XRN2: variants seen among roughly 807,000 people sequenced by gnomAD.
XRN2 encodes the protein 5'-3' exoribonuclease 2.
Under a neutral mutation model 138.5 loss-of-function variants are expected in XRN2, and 44 were observed. That is an observed-to-expected ratio of 0.32 (90% confidence interval 0.25 to 0.41). XRN2 has a LOEUF of 0.41. Ranked by LOEUF, XRN2 falls within the 10% of genes least tolerant of loss-of-function variation. The pLI is 1.00. For synonymous variants in XRN2, 354 were observed against 369.4 expected (o/e 0.96, Z 0.48); for missense variants, 937 against 1,169.3 (o/e 0.80, Z 2.90).
chr20:21,374,209 AT>A (rs1220822600), intron 27 of XRN2, among the ~76,000 whole-genome samples: 1 of 151,938 alleles, frequency 6.6e-6, no homozygotes, highest in Non-Finnish European at 1.5e-5. Flanking sequence ...ATTTCTTCTA[AT>A]AGTTTATATG....
rs572006763 is a variant in XRN2, at chr20:21,358,471, C to T, written c.2255+679C>T. Among the ~76,000 whole-genome samples, 6 of 152,256 alleles carry T rather than the reference C, an allele frequency of 3.9e-5. No individual in the cohort carries two copies. The South Asian group carries it at 1.2e-3, about 32-fold the overall frequency. ...GATGACAGAATTTAGTTGTCATTTT[C>T]TCCAATCTTTAGGTAAGACTAAAGC... On this transcript the variant is annotated intron_variant, in intron 24 of 29. Transcript: ENST00000377191.
At chr20:21,388,175 A>G (rs1786496908) in intron 29 of XRN2, among the ~76,000 whole-genome samples, 1 of 152,212 alleles carries the variant, frequency 6.6e-6, no homozygotes, top group Non-Finnish European at 1.5e-5. Context: ...TTTCCAAGTC[A>G]GGAACTGAAA....
At chr20:21,349,721 A>C (rs116608593) in intron 20 of XRN2, among the ~76,000 whole-genome samples, 2,352 of 152,150 alleles carry the variant, frequency 0.015, 39 homozygotes, top group Middle Eastern at 0.027. Flanking sequence ...CCAGCCTGGA[A>C]GACAGAGTGA....
chr20:21,348,262 A>T lies in XRN2; in HGVS notation c.1773+9A>T, dbSNP rs1207280674. On this transcript the variant is annotated intron_variant, in intron 18 of 29. Coordinates refer to ENST00000377191, the MANE Select transcript of XRN2 (RefSeq NM_012255.5). ...AGAAGGGTACGAAACCGGTAAGCTT[A>T]ATTACTTAAAGTCATAAAGTTTATA... is the stretch of plus-strand genomic sequence containing the variant. 2 of 1,613,092 alleles carry T rather than the reference A, an allele frequency of 1.2e-6. No individual in the cohort carries two copies. The highest frequency in any genetic ancestry group is 8.5e-7 in the Non-Finnish European group (1 of 1,179,610).
chr20:21,326,212 T>G (rs2038126550), intron 1 of XRN2, 67 bp from the exon 2 acceptor site: 39 of 1,485,822 alleles, frequency 2.6e-5, no homozygotes, highest in Non-Finnish European at 3.3e-5. Context: ...AAGTTCATAT[T>G]GAGCCTAGGA....
At chr20:21,363,190 T>C (rs1183326928) in intron 24 of XRN2, among the ~76,000 whole-genome samples, 3 of 152,200 alleles carry the variant, frequency 2.0e-5, no homozygotes, top group Non-Finnish European at 4.4e-5. Context: ...TCAGCATCTT[T>C]TCTGTGCCTG....
chr20:21,331,418 C>CACAT (rs1167194384), intron 6 of XRN2, 143 bp from the exon 7 acceptor site: 2 of 668,616 alleles, frequency 3.0e-6, no homozygotes, highest in African/African-American at 3.7e-5. Context: ...CACACACACA[C>CACAT]ACACACACAC....
At chr20:21,340,979 C>A in intron 15 of XRN2, 127 bp downstream of exon 15, 1 of 1,078,052 alleles carries the variant, frequency 9.3e-7, no homozygotes, top group Non-Finnish European at 1.3e-6. Context: ...AATTGCTTTG[C>A]CTTGAGAAAT....
At chr20:21,360,802 A>G (rs2038629182) in intron 24 of XRN2, among the ~76,000 whole-genome samples, 1 of 152,178 alleles carries the variant, frequency 6.6e-6, no homozygotes, top group Admixed American at 6.5e-5. Flanking sequence ...TCAGCAGTGG[A>G]TTTGATGGTG....
chr20:21,341,806 C>A (rs2038375840), intron 15 of XRN2, among the ~76,000 whole-genome samples: 1 of 152,158 alleles, frequency 6.6e-6, no homozygotes, highest in Non-Finnish European at 1.5e-5. Context: ...CAGAGCAGAA[C>A]TGAGAGTGAC....
At chr20:21,373,909 A>G (rs371459454) in intron 27 of XRN2, among the ~76,000 whole-genome samples, 12 of 152,106 alleles carry the variant, frequency 7.9e-5, no homozygotes, top group African/African-American at 2.4e-4. Context: ...CCACTTGGCA[A>G]TTTGCCTTTT....
intron 15 of XRN2, among the ~76,000 whole-genome samples, chr20:21,343,543 AG>A (rs1414484872): frequency 1.3e-5 from 2 of 151,510 alleles, no homozygotes; most frequent in Non-Finnish European, 2.9e-5. Flanking sequence ...TGGTTGTACT[AG>A]GTTGAAGACT....
Position 21,311,630 on chromosome 20 carries a change from G to A in XRN2, c.75+8157G>A, listed in dbSNP as rs532277035. Among the ~76,000 whole-genome samples the A allele has an allele frequency of 5.3e-5, 8 of 152,206 alleles. No individual in the cohort carries two copies. The South Asian group carries it at 8.3e-4, about 16-fold the overall frequency. ...GTAATTCTGTGTTTAGCATTTTGAG[G>A]AACCACCAAACTGTTTTTCTAGTCT... On this transcript the variant is annotated intron_variant, in intron 1 of 29. Coordinates refer to ENST00000377191, the MANE Select transcript of XRN2 (RefSeq NM_012255.5).
intron 27 of XRN2, among the ~76,000 whole-genome samples, chr20:21,370,980 C>T (rs1343631920): frequency 6.6e-6 from 1 of 152,150 alleles, no homozygotes; most frequent in Non-Finnish European, 1.5e-5. Flanking sequence ...TGGCAAGATG[C>T]TCACGTTTGT....
intron 27 of XRN2, among the ~76,000 whole-genome samples, chr20:21,370,213 G>A (rs971773531): frequency 1.3e-5 from 2 of 152,080 alleles, no homozygotes; most frequent in African/African-American, 4.8e-5. Context: ...CCATTGGTCT[G>A]TTATCTGTTT....
chr20:21,310,393 T>C (rs1361473662), intron 1 of XRN2, among the ~76,000 whole-genome samples: 2 of 152,268 alleles, frequency 1.3e-5, no homozygotes, highest in African/African-American at 2.4e-5. Context: ...CATTTTCTGC[T>C]GCTGTGAAAT....
intron 27 of XRN2, among the ~76,000 whole-genome samples, chr20:21,376,022 T>C (rs917068974): frequency 3.3e-5 from 5 of 152,098 alleles, no homozygotes; most frequent in Non-Finnish European, 5.9e-5. Flanking sequence ...GTGTTTTTAG[T>C]AGAGACGGGG....
chr20:21,316,028 A>G (rs1178117281), intron 1 of XRN2, among the ~76,000 whole-genome samples: 1 of 152,160 alleles, frequency 6.6e-6, no homozygotes, highest in Non-Finnish European at 1.5e-5. Context: ...TGAGGTGGGC[A>G]GATCACTTGA....
At chr20:21,314,071 T>A (rs1237526053) in intron 1 of XRN2, among the ~76,000 whole-genome samples, 1 of 152,230 alleles carries the variant, frequency 6.6e-6, no homozygotes, top group African/African-American at 2.4e-5. Flanking sequence ...ACCCTTTAGC[T>A]GTTGTCCCTC....
Sources: allele counts gnomAD v4.1 joint callset (sites outside exome capture counted in the v4.1 genomes callset), GRCh38; gene constraint gnomAD v4.1.1; transcripts MANE v1.5; gene names NCBI Gene and HGNC (gene_info 2026-07-23, HGNC 2026-07-21).